ATP6V1H: variants seen among roughly 807,000 people sequenced by gnomAD.
ATP6V1H encodes V-type proton ATPase subunit H.
In ATP6V1H, 39 loss-of-function variants were observed where a neutral mutation model predicts 71.7. That is an observed-to-expected ratio of 0.54 (90% CI 0.42 to 0.71). ATP6V1H has a LOEUF of 0.71. Among genes scored for constraint, ATP6V1H ranks in the 30% least tolerant of loss-of-function variants. The pLI, the probability that ATP6V1H is intolerant of heterozygous loss-of-function variation, is 0.00. For missense variants in ATP6V1H, 509 were observed against 594.9 expected, an observed-to-expected ratio of 0.86 and a Z score of 1.50; for synonymous variants, 192 against 199.3, an observed-to-expected ratio of 0.96 and a Z score of 0.31.
chr8:53,741,915 C>T (rs941642134), intron 13 of ATP6V1H, among the ~76,000 whole-genome samples: 1 of 152,212 alleles, frequency 6.6e-6, no homozygotes, highest in Non-Finnish European at 1.5e-5. Context: ...ACCTCAGCCC[C>T]AGACTACCAT....
intron 13 of ATP6V1H, among the ~76,000 whole-genome samples, chr8:53,732,720 AAAG>A (rs541542839): frequency 3.3e-5 from 5 of 152,144 alleles, no homozygotes; most frequent in Non-Finnish European, 7.4e-5. Context: ...GACAGAATTA[AAAG>A]AAGAAATCCC....
chr8:53,744,280 G>C (rs936725016), intron 12 of ATP6V1H, among the ~76,000 whole-genome samples: 1 of 147,434 alleles, frequency 6.8e-6, no homozygotes. Flanking sequence ...TCATATCTTC[G>C]AGACCACCGA....
chr8:53,745,475 T>G (rs930880583), intron 12 of ATP6V1H, among the ~76,000 whole-genome samples: 1 of 152,106 alleles, frequency 6.6e-6, no homozygotes, highest in African/African-American at 2.4e-5. Context: ...ACAGTCAGCT[T>G]TGGAGCCCCA....
chr8:53,724,171 CTT>C (rs1405523779), intron 13 of ATP6V1H, among the ~76,000 whole-genome samples: 6 of 152,148 alleles, frequency 3.9e-5, no homozygotes, highest in African/African-American at 1.4e-4. Flanking sequence ...GATTACAAGA[CTT>C]TTCTCAAACT....
chr8:53,834,004 A>G (rs975511978), intron 2 of ATP6V1H, among the ~76,000 whole-genome samples: 2 of 152,104 alleles, frequency 1.3e-5, no homozygotes, highest in African/African-American at 4.8e-5. Flanking sequence ...CAATCATACA[A>G]TATAGCAAAC....
chr8:53,727,454 T>G (rs1806852788), intron 13 of ATP6V1H, among the ~76,000 whole-genome samples: 1 of 152,204 alleles, frequency 6.6e-6, no homozygotes, highest in Admixed American at 6.5e-5. Flanking sequence ...CTACTCCTCT[T>G]CTGTCAGCCC....
chr8:53,753,524 ACATTTGAAACAC>A (rs112827833), intron 12 of ATP6V1H, among the ~76,000 whole-genome samples: 32 of 152,350 alleles, frequency 2.1e-4, no homozygotes, highest in African/African-American at 6.7e-4. Context: ...TCCAAAAGAA[ACATTTGAAACAC>A]CAGCTGAGGC....
chr8:53,819,698 G>A (rs1347776204), intron 4 of ATP6V1H, among the ~76,000 whole-genome samples: 1 of 116,742 alleles, frequency 8.6e-6, no homozygotes, highest in Non-Finnish European at 1.6e-5. Context: ...ATGTATATAT[G>A]TATATACGTA....
intron 4 of ATP6V1H, among the ~76,000 whole-genome samples, chr8:53,818,320 G>C (rs949943266): frequency 1.3e-5 from 2 of 152,038 alleles, no homozygotes; most frequent in African/African-American, 4.8e-5. Context: ...TATTTGTTAT[G>C]TAAGTTCTTT....
intron 2 of ATP6V1H, among the ~76,000 whole-genome samples, chr8:53,836,122 T>A (rs1235821059): frequency 1.3e-5 from 2 of 152,204 alleles, no homozygotes; most frequent in Non-Finnish European, 2.9e-5. Flanking sequence ...TGGGGTAGAC[T>A]AAAATAACAA....
intron 11 of ATP6V1H, among the ~76,000 whole-genome samples, chr8:53,767,222 T>C (rs1808502176): frequency 6.6e-6 from 1 of 152,246 alleles, no homozygotes; most frequent in Non-Finnish European, 1.5e-5. Flanking sequence ...GTATGAATTT[T>C]AGTTAATAAT....
At chr8:53,815,075 CA>C (rs1406163232) in intron 5 of ATP6V1H, among the ~76,000 whole-genome samples, 1 of 152,114 alleles carries the variant, frequency 6.6e-6, no homozygotes, top group Non-Finnish European at 1.5e-5. Context: ...AAACAGAACA[CA>C]AAAATCTTTC....
At chr8:53,827,088 A>T (rs189434784) in intron 4 of ATP6V1H, among the ~76,000 whole-genome samples, 2 of 151,310 alleles carry the variant, frequency 1.3e-5, no homozygotes, top group South Asian at 2.1e-4. Context: ...ACATACTCAA[A>T]AATAAAATGC....
Position 53,829,465 on chromosome 8 carries a change from A to G in ATP6V1H, c.285T>C (p.Thr95=), listed in dbSNP as rs1810931448. Residue 95 remains threonine, a synonymous_variant, in exon 4 of 14, where the codon ACT becomes ACC. Transcript: ENST00000359530. ...CTACCTGCAGCATATCATCCACCAT[A>G]GTTAGTATATACTGAACGGTCTGTT... ...CKEQTVQYIL[T]MVDDMLQENH... 1 of 1,605,312 alleles carries G rather than the reference A, an allele frequency of 6.2e-7. No individual in the cohort carries two copies. Among genetic ancestry groups the G allele is most frequent in the Non-Finnish European group, 8.5e-7 (1 of 1,175,900 alleles).
At chr8:53,779,853 A>C (rs1479344532) in intron 9 of ATP6V1H, among the ~76,000 whole-genome samples, 1 of 152,164 alleles carries the variant, frequency 6.6e-6, no homozygotes, top group Non-Finnish European at 1.5e-5. Flanking sequence ...CCAGAGAATT[A>C]AACTCCATCT....
chr8:53,776,364 G>A (rs1044359425), intron 9 of ATP6V1H, among the ~76,000 whole-genome samples: 2 of 152,238 alleles, frequency 1.3e-5, no homozygotes, highest in African/African-American at 4.8e-5. Flanking sequence ...GCGGTGGGCT[G>A]AAGGGCTCCT....
At chr8:53,730,197 G>A (rs756133608) in intron 13 of ATP6V1H, among the ~76,000 whole-genome samples, 19 of 152,204 alleles carry the variant, frequency 1.2e-4, no homozygotes, top group Non-Finnish European at 2.5e-4. Flanking sequence ...TGGACTGTGT[G>A]ACTTCACTTA....
intron 13 of ATP6V1H, among the ~76,000 whole-genome samples, chr8:53,733,890 G>A (rs1585727243): frequency 1.3e-5 from 2 of 152,302 alleles, no homozygotes; most frequent in African/African-American, 4.8e-5. Flanking sequence ...ATATGCATCA[G>A]AGAGAGAAAA....
intron 9 of ATP6V1H, among the ~76,000 whole-genome samples, chr8:53,782,072 C>G (rs1016997880): frequency 2.0e-4 from 31 of 152,108 alleles, no homozygotes; most frequent in Non-Finnish European, 2.8e-4. Context: ...TTCCAATTCT[C>G]TGAAGAAAGT....
Sources: gnomAD v4.1 joint callset for allele counts (sites outside exome capture counted in the v4.1 genomes callset) on GRCh38, gnomAD v4.1.1 for gene constraint, MANE v1.5 for transcripts, NCBI Gene and HGNC (gene_info 2026-07-23, HGNC 2026-07-21) for gene names.